Variants in LRMDA observed in about 807,000 individuals in gnomAD.
LRMDA encodes the protein leucine-rich melanocyte differentiation-associated protein.
A neutral mutation model predicts 29.8 loss-of-function variants in LRMDA; 18 were observed. The ratio of observed to expected loss-of-function variants is 0.60; its 90% CI spans 0.42 to 0.90. LRMDA has a LOEUF of 0.90. LRMDA is among the 40% of genes least tolerant of loss of function. The probability of loss-of-function intolerance (pLI) is 0.00; values close to 1 mark genes in which losing one functional copy is unlikely to be tolerated. For synonymous variants in LRMDA, 125 were observed against 109.4 expected (o/e 1.14, Z -0.89); for missense variants, 273 against 273.9 (o/e 1.00, Z 0.02).
chr10:75,841,884 T>C (rs893051003), intron 2 of LRMDA, among the ~76,000 whole-genome samples: 2 of 152,234 alleles, frequency 1.3e-5, no homozygotes, highest in Admixed American at 1.3e-4. Flanking sequence ...ATGGCTGTAG[T>C]ACAACTAGCC....
At chr10:75,685,362 T>C (rs1842068842) in intron 2 of LRMDA, among the ~76,000 whole-genome samples, 1 of 152,230 alleles carries the variant, frequency 6.6e-6, no homozygotes, top group Non-Finnish European at 1.5e-5. Context: ...TCACAAGGTA[T>C]TCTTCCAGTG....
intron 2 of LRMDA, among the ~76,000 whole-genome samples, chr10:75,821,937 A>ATGCC (rs751462295): frequency 5.5e-4 from 84 of 152,318 alleles, no homozygotes; most frequent in Non-Finnish European, 7.5e-4. Context: ...CAAGACAAGG[A>ATGCC]TGCCCACTGT....
At chr10:76,482,100 C>T (rs1842738346) in intron 6 of LRMDA, among the ~76,000 whole-genome samples, 1 of 151,930 alleles carries the variant, frequency 6.6e-6, no homozygotes, top group African/African-American at 2.4e-5. Flanking sequence ...TGGTTCATAA[C>T]ATGATAATCT....
chr10:75,485,116 T>C (rs1414402665), intron 2 of LRMDA, among the ~76,000 whole-genome samples: 1 of 152,222 alleles, frequency 6.6e-6, no homozygotes, highest in Non-Finnish European at 1.5e-5. Context: ...ACTTTATCAA[T>C]ATCTGCTATA....
At chr10:75,478,718 T>A (rs558477087) in intron 2 of LRMDA, among the ~76,000 whole-genome samples, 1 of 152,290 alleles carries the variant, frequency 6.6e-6, no homozygotes, top group South Asian at 2.1e-4. Flanking sequence ...TTTTCAATAA[T>A]ACATAAGGAT....
intron 6 of LRMDA, among the ~76,000 whole-genome samples, chr10:76,478,086 A>G (rs1842695835): frequency 6.6e-6 from 1 of 152,164 alleles, no homozygotes; most frequent in Admixed American, 6.5e-5. Context: ...TCTGCACAGC[A>G]AAAGAAACTA....
chr10:76,155,025 C>T (rs796486792), intron 5 of LRMDA, among the ~76,000 whole-genome samples: 2 of 152,280 alleles, frequency 1.3e-5, no homozygotes, highest in African/African-American at 4.8e-5. Context: ...TACATGACCA[C>T]ACCTCTTTGC....
At chr10:76,468,644 A>C (rs1453725709) in intron 6 of LRMDA, among the ~76,000 whole-genome samples, 1 of 152,182 alleles carries the variant, frequency 6.6e-6, no homozygotes, top group African/African-American at 2.4e-5. Context: ...CCTACTTTTT[A>C]ATCATTTTCA....
At chr10:76,193,897 G>T (rs544344351) in intron 5 of LRMDA, among the ~76,000 whole-genome samples, 1 of 152,352 alleles carries the variant, frequency 6.6e-6, no homozygotes, top group African/African-American at 2.4e-5. Context: ...TGACTGTAAA[G>T]TGAGGAGGTA....
chr10:75,824,641 C>T (rs1024646028), intron 2 of LRMDA, among the ~76,000 whole-genome samples: 1 of 152,280 alleles, frequency 6.6e-6, no homozygotes, highest in Admixed American at 6.5e-5. Flanking sequence ...TTTAGAGGTG[C>T]TTCTGGCTTT....
intron 2 of LRMDA, among the ~76,000 whole-genome samples, chr10:75,975,345 T>C (rs1029070504): frequency 6.6e-6 from 1 of 152,188 alleles, no homozygotes; most frequent in Non-Finnish European, 1.5e-5. Context: ...GACGACCCAA[T>C]AGGAGTGAGG....
intron 6 of LRMDA, among the ~76,000 whole-genome samples, chr10:76,457,788 A>G (rs1324935572): frequency 6.6e-6 from 1 of 151,066 alleles, no homozygotes; most frequent in Non-Finnish European, 1.5e-5. Context: ...AGAGGCTTTC[A>G]GGAACCTAAC....
chr10:76,048,040 A>G (rs1349290148), intron 4 of LRMDA, among the ~76,000 whole-genome samples: 1 of 152,130 alleles, frequency 6.6e-6, no homozygotes, highest in Admixed American at 6.5e-5. Context: ...TTCATTTAAA[A>G]TTGTCTGTGT....
chr10:75,681,563 C>A (rs532367116), intron 2 of LRMDA, among the ~76,000 whole-genome samples: 1 of 152,122 alleles, frequency 6.6e-6, no homozygotes, highest in Non-Finnish European at 1.5e-5. Context: ...CACAGGCTGA[C>A]CCTTCAGGGA....
At chr10:76,254,084 C>G (rs1374309188) in intron 5 of LRMDA, among the ~76,000 whole-genome samples, 1 of 152,102 alleles carries the variant, frequency 6.6e-6, no homozygotes, top group Non-Finnish European at 1.5e-5. Flanking sequence ...TAAGTGACTT[C>G]TTAAAATCTG....
At chr10:76,364,644 C>T (rs960455252) in intron 6 of LRMDA, among the ~76,000 whole-genome samples, 4 of 151,996 alleles carry the variant, frequency 2.6e-5, no homozygotes, top group Admixed American at 2.0e-4. Flanking sequence ...AAAGATGGCT[C>T]ATTTTGTAAT....
At chr10:76,070,290 G>A (rs1327250515) in intron 5 of LRMDA, among the ~76,000 whole-genome samples, 1 of 152,168 alleles carries the variant, frequency 6.6e-6, no homozygotes. Flanking sequence ...GTCAGCTTGG[G>A]ATACCATAAC....
chr10:76,205,549 T>C (rs747994606), intron 5 of LRMDA, among the ~76,000 whole-genome samples: 1 of 152,208 alleles, frequency 6.6e-6, no homozygotes, highest in African/African-American at 2.4e-5. Flanking sequence ...TTGGGTCAGA[T>C]GTCTCATTCA....
At chr10:75,560,618 C>G (rs976569108) in intron 2 of LRMDA, among the ~76,000 whole-genome samples, 6 of 150,948 alleles carry the variant, frequency 4.0e-5, no homozygotes, top group Non-Finnish European at 8.9e-5. Flanking sequence ...TGCCAGTTTT[C>G]AAAGGGAATG....
Sources: gnomAD v4.1 joint callset for allele counts (sites outside exome capture counted in the v4.1 genomes callset) on GRCh38, gnomAD v4.1.1 for gene constraint, MANE v1.5 for transcripts, NCBI Gene and HGNC (gene_info 2026-07-23, HGNC 2026-07-21) for gene names.